The following ARHGAP24 variants were observed in gnomAD, a reference collection of about 807,000 sequenced individuals.
The protein encoded by ARHGAP24 is Rho GTPase activating protein 24, also known as rho GTPase-activating protein 24.
A neutral mutation model predicts 76.4 loss-of-function variants in ARHGAP24; 50 were observed. That is an observed-to-expected ratio of 0.65 (90% confidence interval 0.52 to 0.83). ARHGAP24 has a LOEUF of 0.83. ARHGAP24 is among the 40% of genes least tolerant of loss of function. The probability of loss-of-function intolerance (pLI) is 0.00; values close to 1 mark genes in which losing one functional copy is unlikely to be tolerated. For synonymous variants in ARHGAP24, 345 were observed against 323.3 expected (o/e 1.07, Z -0.72); for missense variants, 930 against 914.2 (o/e 1.02, Z -0.22).
At chr4:85,701,688 TA>T (rs985212258) in intron 2 of ARHGAP24, among the ~76,000 whole-genome samples, 4 of 152,092 alleles carry the variant, frequency 2.6e-5, no homozygotes, top group Admixed American at 6.5e-5. Context: ...TTTTTCTTTT[TA>T]CAATTCAGAA....
At chr4:85,885,920 A>T (rs1338060815) in intron 3 of ARHGAP24, among the ~76,000 whole-genome samples, 1 of 152,170 alleles carries the variant, frequency 6.6e-6, no homozygotes, top group Non-Finnish European at 1.5e-5. Flanking sequence ...TTCCTAGAAT[A>T]GGAATCCCGC....
intron 1 of ARHGAP24, among the ~76,000 whole-genome samples, chr4:85,544,538 A>G (rs1384775999): frequency 2.6e-5 from 4 of 152,124 alleles, no homozygotes; most frequent in African/African-American, 9.7e-5. Context: ...TCTTTCTCAG[A>G]TACTTGCTGG....
At chr4:85,549,141 A>G (rs572028705) in intron 1 of ARHGAP24, among the ~76,000 whole-genome samples, 14 of 150,974 alleles carry the variant, frequency 9.3e-5, no homozygotes, top group Non-Finnish European at 1.6e-4. Flanking sequence ...TCTTGAGAAC[A>G]TAAGGATTCC....
intron 2 of ARHGAP24, among the ~76,000 whole-genome samples, chr4:85,687,401 A>G (rs376896148): frequency 1.3e-5 from 2 of 152,112 alleles, no homozygotes; most frequent in East Asian, 1.9e-4. Context: ...CACAATAGGT[A>G]GTTTTTTAAT....
At chr4:85,665,033 C>T (rs1036746492) in intron 2 of ARHGAP24, among the ~76,000 whole-genome samples, 9 of 152,086 alleles carry the variant, frequency 5.9e-5, no homozygotes, top group Non-Finnish European at 8.8e-5. Flanking sequence ...ATTAGGTCCC[C>T]TTGGTGCAGA....
chr4:85,608,551 G>GTTTTT (rs141361475), intron 2 of ARHGAP24, among the ~76,000 whole-genome samples: 4 of 73,202 alleles, frequency 5.5e-5, no homozygotes, highest in African/African-American at 1.1e-4. Context: ...TTGTTTGGTT[G>GTTTTT]TTTTTTTTTT....
At chr4:85,538,373 T>G (rs1401443715) in intron 1 of ARHGAP24, among the ~76,000 whole-genome samples, 1 of 152,206 alleles carries the variant, frequency 6.6e-6, no homozygotes, top group African/African-American at 2.4e-5. Context: ...GACTTTATAT[T>G]AGGTTAAATT....
At chr4:85,692,767 A>T (rs867924780) in intron 2 of ARHGAP24, among the ~76,000 whole-genome samples, 1 of 152,164 alleles carries the variant, frequency 6.6e-6, no homozygotes, top group African/African-American at 2.4e-5. Flanking sequence ...CTGAATGTCG[A>T]TAGCTTCCTT....
At chr4:85,520,346 G>C (rs1478795345) in intron 1 of ARHGAP24, among the ~76,000 whole-genome samples, 1 of 151,978 alleles carries the variant, frequency 6.6e-6, no homozygotes, top group Non-Finnish European at 1.5e-5. Context: ...TTTTTTCATG[G>C]AACACAGAAA....
chr4:85,558,655 T>G (rs1480860027), intron 1 of ARHGAP24, among the ~76,000 whole-genome samples: 1 of 152,208 alleles, frequency 6.6e-6, no homozygotes, highest in African/African-American at 2.4e-5. Context: ...GGTTTAGTGA[T>G]TAGCACAAGA....
chr4:85,944,274 T>G (rs975396714), intron 5 of ARHGAP24, among the ~76,000 whole-genome samples: 4 of 152,208 alleles, frequency 2.6e-5, no homozygotes, highest in African/African-American at 9.6e-5. Flanking sequence ...CATAAATACT[T>G]TCTATTTTTG....
chr4:85,682,342 A>G lies in ARHGAP24; in HGVS notation c.181-39543A>G, dbSNP rs371493930. Among the ~76,000 whole-genome samples the G allele has an allele frequency of 3.3e-5, 5 of 152,368 alleles. No individual in the cohort carries two copies. The East Asian group carries it at 9.6e-4, about 29-fold the overall frequency. On this transcript the variant is annotated intron_variant, in intron 2 of 9. Transcript: ENST00000395184. ...TAGTTTGCTCTATTACCAGAAAACA[A>G]TTAAAGTATCTTATTTGAATGAGAA...
chr4:85,990,500 C>T (rs1005841863), intron 8 of ARHGAP24: 5 of 151,698 alleles, frequency 3.3e-5, no homozygotes, highest in African/African-American at 1.2e-4. Context: ...AAGGAAATAA[C>T]AGTTGAATAT....
intron 2 of ARHGAP24, among the ~76,000 whole-genome samples, chr4:85,666,072 G>A (rs977009183): frequency 6.6e-6 from 1 of 152,168 alleles, no homozygotes; most frequent in African/African-American, 2.4e-5. Flanking sequence ...TGCCTTGCTA[G>A]ATTGGGGAAG....
chr4:85,700,468 G>T (rs1309915885), intron 2 of ARHGAP24, among the ~76,000 whole-genome samples: 1 of 151,648 alleles, frequency 6.6e-6, no homozygotes, highest in Non-Finnish European at 1.5e-5. Context: ...CAGCTGACGT[G>T]GTGCAAAAGA....
chr4:85,789,539 A>G (rs1209844469), intron 3 of ARHGAP24, among the ~76,000 whole-genome samples: 1 of 152,140 alleles, frequency 6.6e-6, no homozygotes, highest in Non-Finnish European at 1.5e-5. Context: ...AATAGAACCA[A>G]CATCTGATGC....
intron 3 of ARHGAP24, among the ~76,000 whole-genome samples, chr4:85,839,974 TG>T (rs1257996712): frequency 1.3e-5 from 2 of 149,270 alleles, no homozygotes; most frequent in Admixed American, 6.7e-5. Flanking sequence ...CTCAGCCTCC[TG>T]AGTCACTGGG....
At chr4:85,621,199 T>C (rs1720706712) in intron 2 of ARHGAP24, among the ~76,000 whole-genome samples, 1 of 152,162 alleles carries the variant, frequency 6.6e-6, no homozygotes, top group South Asian at 2.1e-4. Context: ...CTAGGTTGAC[T>C]CTGCTATTGT....
At chr4:85,855,401 A>C (rs534729777) in intron 3 of ARHGAP24, among the ~76,000 whole-genome samples, 1 of 152,264 alleles carries the variant, frequency 6.6e-6, no homozygotes, top group Admixed American at 6.5e-5. Context: ...ATTTCACAGG[A>C]AGTCTGTACA....
Sources: gnomAD v4.1 joint callset for allele counts (sites outside exome capture counted in the v4.1 genomes callset) on GRCh38, gnomAD v4.1.1 for gene constraint, MANE v1.5 for transcripts, NCBI Gene and HGNC (gene_info 2026-07-23, HGNC 2026-07-21) for gene names.